RPAP2: variants seen among roughly 807,000 people sequenced by gnomAD.
RPAP2 encodes RNA polymerase II associated protein 2.
A neutral mutation model predicts 73.1 loss-of-function variants in RPAP2; 52 were observed. The observed-to-expected ratio is 0.71, with a 90% CI of 0.57 to 0.90. The LOEUF (loss-of-function observed/expected upper bound fraction) is 0.90. Ranked by LOEUF, RPAP2 falls within the 40% of genes least tolerant of loss-of-function variation. The pLI is 0.00. For synonymous variants in RPAP2, 225 were observed against 242.1 expected (o/e 0.93, Z 0.65); for missense variants, 598 against 701.8 (o/e 0.85, Z 1.67).
intron 6 of RPAP2, among the ~76,000 whole-genome samples, chr1:92,314,847 C>A (rs1249963095): frequency 6.6e-6 from 1 of 151,920 alleles, no homozygotes; most frequent in South Asian, 2.1e-4. Context: ...GAGTTTGAGA[C>A]CAGCCTGGCC....
intron 6 of RPAP2, among the ~76,000 whole-genome samples, chr1:92,310,151 A>C (rs1262016154): frequency 1.3e-5 from 2 of 152,248 alleles, no homozygotes; most frequent in Non-Finnish European, 2.9e-5. Context: ...GCATAACTGT[A>C]GCCCTTAATT....
At chr1:92,337,203 T>A (rs1653328483) in intron 10 of RPAP2, among the ~76,000 whole-genome samples, 1 of 152,048 alleles carries the variant, frequency 6.6e-6, no homozygotes, top group Non-Finnish European at 1.5e-5. Flanking sequence ...TTATCATATA[T>A]ATTTATTATT....
At chr1:92,370,813 C>G (rs529695054) in intron 11 of RPAP2, among the ~76,000 whole-genome samples, 1 of 152,228 alleles carries the variant, frequency 6.6e-6, no homozygotes, top group East Asian at 1.9e-4. Context: ...TTTGCTGATA[C>G]TTTCTGCTAT....
chr1:92,336,670 G>A (rs990017464), intron 10 of RPAP2, among the ~76,000 whole-genome samples: 3 of 152,034 alleles, frequency 2.0e-5, no homozygotes, highest in East Asian at 1.9e-4. Flanking sequence ...GCCTAAAATT[G>A]AGAAGGAAAA....
chr1:92,385,571 C>T (rs1045854135), intron 12 of RPAP2, among the ~76,000 whole-genome samples: 1 of 151,618 alleles, frequency 6.6e-6, no homozygotes, highest in African/African-American at 2.4e-5. Context: ...TTTTGGTATG[C>T]CATGGTAAAT....
At chr1:92,302,099 G>A (rs1213111413) in intron 3 of RPAP2, among the ~76,000 whole-genome samples, 10 of 152,076 alleles carry the variant, frequency 6.6e-5, no homozygotes, top group Admixed American at 5.2e-4. Context: ...TGGCCAACAT[G>A]GTGAAACCTC....
At chr1:92,327,564 T>A (rs1282164481) in intron 8 of RPAP2, among the ~76,000 whole-genome samples, 1 of 152,234 alleles carries the variant, frequency 6.6e-6, no homozygotes, top group East Asian at 1.9e-4. Flanking sequence ...GTCAGGTGAG[T>A]CCCTTGAAAA....
At chr1:92,371,313 AAAAAAAATATATATAT>A (rs1216208565) in intron 11 of RPAP2, among the ~76,000 whole-genome samples, 1 of 138,132 alleles carries the variant, frequency 7.2e-6, no homozygotes, top group Non-Finnish European at 1.5e-5. Context: ...TCAAAAAAAA[AAAAAAAATATATATAT>A]ATATATATAC....
At chr1:92,320,463 G>A in intron 6 of RPAP2, 136 bp from the exon 7 acceptor site, 1 of 578,576 alleles carries the variant, frequency 1.7e-6, no homozygotes, top group South Asian at 2.4e-5. Context: ...AGTAGAGATG[G>A]GGTTTCACCA....
chr1:92,357,122 A>ACAC (rs1245828516), intron 11 of RPAP2, among the ~76,000 whole-genome samples: 2 of 139,574 alleles, frequency 1.4e-5, no homozygotes, highest in African/African-American at 5.6e-5. Context: ...CACACACACA[A>ACAC]ACAGATGTTT....
At chr1:92,321,801 A>G (rs1652279054) in intron 7 of RPAP2, among the ~76,000 whole-genome samples, 1 of 152,034 alleles carries the variant, frequency 6.6e-6, no homozygotes, top group African/African-American at 2.4e-5. Flanking sequence ...TGTGATTTTC[A>G]TTCTGTAGAA....
intron 8 of RPAP2, among the ~76,000 whole-genome samples, chr1:92,324,747 A>G (rs1199909272): frequency 6.6e-6 from 1 of 152,130 alleles, no homozygotes; most frequent in Non-Finnish European, 1.5e-5. Flanking sequence ...TGTGTGTTTA[A>G]TGGAAGTATA....
intron 3 of RPAP2, among the ~76,000 whole-genome samples, chr1:92,302,242 A>C (rs1326952361): frequency 6.6e-6 from 1 of 151,868 alleles, no homozygotes; most frequent in African/African-American, 2.4e-5. Context: ...ACACCACTGC[A>C]CTCCAGTCTG....
In RPAP2 at chr1:92,342,637, C is replaced by A. The variant is rs114311237; in HGVS notation, c.1620-3209C>A. ...CCAATACAGCTAGAAATAGCCAGGA[C>A]TATTTTGGTAATCTAGGTAAGAAAT... On this transcript the variant is annotated intron_variant, in intron 10 of 12. Coordinates refer to ENST00000610020, the MANE Select transcript of RPAP2 (RefSeq NM_024813.3). 2.5e-3 allele frequency among the ~76,000 whole-genome samples: 385 copies of A among 152,192 alleles called. 3 individuals are homozygous for A. The highest frequency in any genetic ancestry group is 9.3e-3 in the South Asian group (45 of 4,822).
rs569526295 is a variant in RPAP2, at chr1:92,391,536, G to A, written c.*4525G>A. 6.6e-6 allele frequency: 1 copy of A among 152,264 alleles called. No homozygotes were observed. The highest frequency in any genetic ancestry group is 6.5e-5 in the Admixed American group (1 of 15,276). 9.4% of individuals were successfully genotyped at this position (152,264 alleles called of 1,614,324 possible). A position where few individuals can be genotyped will look rare whatever the true frequency, so the allele number is the denominator to read the frequency against. Reference sequence around the variant, plus strand: ...AAGGCAAGAAATAACTAAGATCAGAGCAGAACTGAAGGAGATAGAGACTCA... The same window carrying A: ...AAGGCAAGAAATAACTAAGATCAGAACAGAACTGAAGGAGATAGAGACTCA... On this transcript the variant is annotated 3_prime_UTR_variant, in exon 13 of 13. Coordinates refer to ENST00000610020, the MANE Select transcript of RPAP2 (RefSeq NM_024813.3).
intron 10 of RPAP2, among the ~76,000 whole-genome samples, chr1:92,344,362 G>A (rs576809683): frequency 1.3e-5 from 2 of 152,186 alleles, no homozygotes; most frequent in South Asian, 4.1e-4. Context: ...CTGAGAGCAT[G>A]CCACTGCACT....
At chr1:92,328,086 ATTCT>A (rs1234132208) in intron 8 of RPAP2, among the ~76,000 whole-genome samples, 1 of 152,160 alleles carries the variant, frequency 6.6e-6, no homozygotes, top group Admixed American at 6.5e-5. Flanking sequence ...TGCTCTTAAG[ATTCT>A]TTCCTTCATC....
Position 92,324,278 on chromosome 1 carries a change from A to G in RPAP2, c.1358A>G (p.Lys453Arg). ...IKPLPSYENL[K>R]KETEKLNLRI... ...CCACTGCCAAGTTACGAGAATTTGA[A>G]AAAAGAAACTGAAAAGTTAAATCTG... Residue 453 changes from lysine to arginine, a missense_variant, in exon 8 of 13, where the codon AAA becomes AGA. Lys to Arg is a conservative substitution (Grantham distance 26). Coordinates refer to ENST00000610020, the MANE Select transcript of RPAP2 (RefSeq NM_024813.3). The G allele has an allele frequency of 6.2e-7, 1 of 1,614,106 alleles. No homozygotes were observed.
chr1:92,299,357 T>C (rs1650608905), intron 1 of RPAP2, among the ~76,000 whole-genome samples: 1 of 152,084 alleles, frequency 6.6e-6, no homozygotes. Flanking sequence ...TGTTCCAAGA[T>C]TTCCCTCACG....
Sources: gnomAD v4.1 joint callset for allele counts (sites outside exome capture counted in the v4.1 genomes callset) on GRCh38, gnomAD v4.1.1 for gene constraint, MANE v1.5 for transcripts, NCBI Gene and HGNC (gene_info 2026-07-23, HGNC 2026-07-21) for gene names.